The following PPP2R5D variants were observed in gnomAD, a reference collection of about 807,000 sequenced individuals.
The protein encoded by PPP2R5D is protein phosphatase 2 regulatory subunit B'delta, also known as serine/threonine-protein phosphatase 2A 56 kDa regulatory subunit delta isoform.
Under a neutral mutation model 79.1 loss-of-function variants are expected in PPP2R5D, and 12 were observed. That is an observed-to-expected ratio of 0.15 (90% CI 0.10 to 0.25). The LOEUF is 0.25. Among genes scored for constraint, PPP2R5D ranks in the 10% least tolerant of loss-of-function variants. PPP2R5D has a pLI of 1.00. For synonymous variants in PPP2R5D, 277 were observed against 286.6 expected, an observed-to-expected ratio of 0.97 and a Z score of 0.34; for missense variants, 419 against 760.2, an observed-to-expected ratio of 0.55 and a Z score of 5.28.
chr6:42,988,051 C>T (rs1770983716), intron 1 of PPP2R5D, among the ~76,000 whole-genome samples: 1 of 152,104 alleles, frequency 6.6e-6, no homozygotes, highest in South Asian at 2.1e-4. Context: ...GTGCTCAGGC[C>T]AAAGAAGGAA....
chr6:43,010,802 T>G lies in PPP2R5D; in HGVS notation c.1554+66T>G, dbSNP rs1430394505. The G allele has an allele frequency of 3.7e-6, 6 of 1,605,394 alleles. No homozygotes were observed. Among genetic ancestry groups the G allele is most frequent in the Non-Finnish European group, 5.1e-6 (6 of 1,172,574 alleles). ...CCATCTTGAGCTGGGGGAGAGTTTG[T>G]TGGGGGAGGAATATGGGGCACACAG... On this transcript the variant is annotated intron_variant, in intron 14 of 15. Transcript: ENST00000485511. This position sits in a 1 kb window ranked among gnomAD's most constrained non-coding sequence, Gnocchi z 4.7.
At position 43,006,313 on chromosome 6, in the gene PPP2R5D, T is replaced by C. The variant is rs374439184; in HGVS notation, c.106-150T>C. ...CTGCCAGGGCTACAGCACAGTTATCTCTGTAACCCTGGCCTTAGCTCCTTC... is the reference window on the plus strand; with the variant it reads ...CTGCCAGGGCTACAGCACAGTTATCCCTGTAACCCTGGCCTTAGCTCCTTC... On this transcript the variant is annotated intron_variant, in intron 2 of 15. Transcript: ENST00000485511. The surrounding 1 kb of genome is among the most constrained non-coding windows in gnomAD (Gnocchi z 4.7). The C allele has an allele frequency of 7.3e-7, 1 of 1,371,564 alleles. No homozygotes were observed. The allele number at this position is 1,371,564 out of a possible 1,614,324, so 85.0% of individuals were successfully genotyped here.
At chr6:42,994,133 G>A (rs1024772787) in intron 2 of PPP2R5D, among the ~76,000 whole-genome samples, 3 of 151,538 alleles carry the variant, frequency 2.0e-5, no homozygotes, top group Admixed American at 6.6e-5. Flanking sequence ...ATGGTGAAAC[G>A]CTGTCTCTAC....
At chr6:42,996,966 A>T (rs1228502573) in intron 2 of PPP2R5D, among the ~76,000 whole-genome samples, 1 of 151,986 alleles carries the variant, frequency 6.6e-6, no homozygotes, top group Non-Finnish European at 1.5e-5. Context: ...TATATTAAAT[A>T]CTTTCTATAG....
At chr6:43,000,533 G>A (rs1307420293) in intron 2 of PPP2R5D, among the ~76,000 whole-genome samples, 3 of 152,086 alleles carry the variant, frequency 2.0e-5, no homozygotes. Context: ...ATGAGCCACC[G>A]TGCCTGGCTA....
rs913443233 is a variant in PPP2R5D at position 43,010,105 on chromosome 6, C to G, written c.1380-363C>G. On this transcript the variant is annotated intron_variant, in intron 12 of 15. Coordinates refer to ENST00000485511, the MANE Select transcript of PPP2R5D (RefSeq NM_006245.4). The surrounding 1 kb of genome is among the most constrained non-coding windows in gnomAD (Gnocchi z 4.7). ...TCAGGGTTTTGAAAAGACTTTTCTG[C>G]TAAAAGCAAGCACACTGTGGTGTAG... is the stretch of plus-strand genomic sequence containing the variant. 2.6e-5 allele frequency among the ~76,000 whole-genome samples: 4 copies of G among 151,988 alleles called. No individual in the cohort carries two copies. The highest frequency in any genetic ancestry group is 1.5e-5 in the Non-Finnish European group (1 of 68,016).
At chr6:43,005,381 G>A (rs1478357090) in intron 2 of PPP2R5D, among the ~76,000 whole-genome samples, 1 of 151,888 alleles carries the variant, frequency 6.6e-6, no homozygotes, top group East Asian at 1.9e-4. Flanking sequence ...ACTCCTGGGC[G>A]CAAGGGATCC....
chr6:42,988,079 A>G (rs1263192142), intron 1 of PPP2R5D, among the ~76,000 whole-genome samples: 1 of 152,110 alleles, frequency 6.6e-6, no homozygotes, highest in Non-Finnish European at 1.5e-5. Context: ...CCCCTACTGC[A>G]TGGAGCTGCT....
intron 2 of PPP2R5D, among the ~76,000 whole-genome samples, chr6:43,001,472 T>C (rs549447419): frequency 6.6e-6 from 1 of 152,194 alleles, no homozygotes; most frequent in Non-Finnish European, 1.5e-5. Flanking sequence ...GATAATGGAC[T>C]CAACGGAACA....
Position 43,007,407 on chromosome 6 carries a change from C to T in PPP2R5D, c.634-7C>T. Reference sequence around the variant, plus strand: ...ATCCCCTCAGTGGCGTGCCTTTTCCCCTATAGCTCGTGTATGAGTTCTTCT... The same window carrying T: ...ATCCCCTCAGTGGCGTGCCTTTTCCTCTATAGCTCGTGTATGAGTTCTTCT... On this transcript the variant is annotated splice_polypyrimidine_tract_variant and splice_region_variant and intron_variant, in intron 5 of 15. Transcript: ENST00000485511. This position sits in a 1 kb window ranked among gnomAD's most constrained non-coding sequence, Gnocchi z 4.5. The T allele has an allele frequency of 6.2e-7, 1 of 1,611,576 alleles. No individual in the cohort carries two copies. Among genetic ancestry groups the T allele is most frequent in the Non-Finnish European group, 8.5e-7 (1 of 1,177,642 alleles).
rs1341357396 is a variant in PPP2R5D, at chr6:43,011,376, G to C, written c.*90G>C. On this transcript the variant is annotated 3_prime_UTR_variant, in exon 16 of 16. Coordinates refer to ENST00000485511, the MANE Select transcript of PPP2R5D (RefSeq NM_006245.4). The stretch of plus-strand genomic sequence containing the variant: ...TACTCTGCTCCCTACTGGCTGTCTT[G>C]GGGGAAGGCAGCGCCTCTCTAGCTA... 1.3e-6 allele frequency: 2 copies of C among 1,536,610 alleles called. No homozygotes were observed. The highest frequency in any genetic ancestry group is 4.6e-5 in the East Asian group (2 of 43,618).
At position 43,010,618 on chromosome 6, in the gene PPP2R5D, C is replaced by G; in HGVS notation, c.1482-46C>G. 1 of 1,613,176 alleles carries G rather than the reference C, an allele frequency of 6.2e-7. No homozygotes were observed. The highest frequency in any genetic ancestry group is 1.7e-5 in the Admixed American group (1 of 60,014). On this transcript the variant is annotated intron_variant, in intron 13 of 15. Transcript: ENST00000485511. This position sits in a 1 kb window ranked among gnomAD's most constrained non-coding sequence, Gnocchi z 4.7. The stretch of plus-strand genomic sequence containing the variant: ...ACTTTCATCTTCTACCACCAGCTCA[C>G]TGTGTTTCTCTCAAGCCCAACCCCA...
At chr6:42,987,783 AT>A (rs1770962381) in intron 1 of PPP2R5D, among the ~76,000 whole-genome samples, 1 of 152,162 alleles carries the variant, frequency 6.6e-6, no homozygotes, top group Admixed American at 6.5e-5. Context: ...TCTTTGAAAG[AT>A]ACGTCTGAGG....
In PPP2R5D at chr6:43,009,395, T is replaced by C. The variant is rs773527644; in HGVS notation, c.1325T>C (p.Val442Ala). Reference sequence around the variant, plus strand: ...CTGATAAGTGACAATGCTGCCCGAGTCCTCCCCATCATGTTCCCTGCACTC... The same window carrying C: ...CTGATAAGTGACAATGCTGCCCGAGCCCTCCCCATCATGTTCCCTGCACTC... ...MSLISDNAAR[V>A]LPIMFPALYR... Residue 442 changes from valine (V) to alanine (A), a missense_variant, in exon 12 of 16, where the codon GTC (valine) becomes GCC (alanine). Val to Ala is a moderately conservative substitution (Grantham distance 64, BLOSUM62 0). Transcript: ENST00000485511. The surrounding 1 kb of genome is among the most constrained non-coding windows in gnomAD (Gnocchi z 5.6). The C allele has an allele frequency of 1.6e-5, 26 of 1,613,664 alleles. No individual in the cohort carries two copies. The highest frequency in any genetic ancestry group is 2.2e-5 in the Non-Finnish European group (26 of 1,179,970).
chr6:42,987,633 A>G (rs569803492), intron 1 of PPP2R5D, among the ~76,000 whole-genome samples: 1 of 152,258 alleles, frequency 6.6e-6, no homozygotes, highest in East Asian at 1.9e-4. Context: ...TGTGCTACAC[A>G]GCATTTGACT....
Position 43,006,593 on chromosome 6 carries a change from A to T in PPP2R5D, c.236A>T (p.Gln79Leu), listed in dbSNP as rs763375514. 3 of 1,614,138 alleles carry T rather than the reference A, an allele frequency of 1.9e-6. No homozygotes were observed. In the African/African-American group the frequency reaches 4.0e-5, roughly 22 times the overall value. ...LSKIKYSGGPQIVKKERRQSS... is the reference protein window; with the variant it reads ...LSKIKYSGGPLIVKKERRQSS... The stretch of plus-strand genomic sequence containing the variant: ...AAAATCAAGTACTCAGGGGGGCCCC[A>T]GATTGTCAAGAAGGAGCGACGGCAA... Residue 79 changes from glutamine to leucine, a missense_variant, in exon 3 of 16, where the codon CAG (glutamine) becomes CTG (leucine). This residue lies in a region of PPP2R5D where 110 missense variants were observed against 147.6 expected (regional missense o/e 0.75). Transcript: ENST00000485511. This position sits in a 1 kb window ranked among gnomAD's most constrained non-coding sequence, Gnocchi z 4.7.
chr6:42,986,246 G>T (rs1231652581), intron 1 of PPP2R5D, among the ~76,000 whole-genome samples: 3 of 152,098 alleles, frequency 2.0e-5, no homozygotes, highest in African/African-American at 7.2e-5. Flanking sequence ...AGGATGCTAG[G>T]ATACCAGTTC....
At chr6:42,989,058 G>A (rs1442597374) in intron 1 of PPP2R5D, among the ~76,000 whole-genome samples, 1 of 152,108 alleles carries the variant, frequency 6.6e-6, no homozygotes, top group African/African-American at 2.4e-5. Context: ...ATTTTGAGTG[G>A]GACAGTTCTG....
In PPP2R5D at chr6:43,010,525, G is replaced by A. The variant is rs145947967; in HGVS notation, c.1437G>A (p.Lys479=). 660 of 1,614,112 alleles carry A rather than the reference G, an allele frequency of 4.1e-4. 1 individual carries two copies. The highest frequency in any genetic ancestry group is 5.3e-4 in the Non-Finnish European group (620 of 1,180,020). Residue 479 remains lysine, a synonymous_variant, in exon 13 of 16, where the codon AAG becomes AAA. Transcript: ENST00000485511. This position sits in a 1 kb window ranked among gnomAD's most constrained non-coding sequence, Gnocchi z 4.7. The stretch of plus-strand genomic sequence containing the variant: ...AGTTGTTTATGGAAATGAATCAGAA[G>A]CTGTTTGATGACTGCACACAACAAT... ...ALKLFMEMNQ[K]LFDDCTQQYK...
Sources: gnomAD v4.1 joint callset for allele counts (sites outside exome capture counted in the v4.1 genomes callset) on GRCh38, gnomAD v4.1.1 for gene constraint, gnomAD v4.1.1 regional missense constraint, Gnocchi (gnomAD v3.1) non-coding constraint, MANE v1.5 for transcripts, NCBI Gene and HGNC (gene_info 2026-07-23, HGNC 2026-07-21) for gene names.